Variants in ABCA10 observed in about 807,000 individuals in gnomAD.
ABCA10 encodes ATP binding cassette subfamily A member 10.
In ABCA10, 169 loss-of-function variants were observed where a neutral mutation model predicts 187.5. That is an observed-to-expected ratio of 0.90 (90% confidence interval 0.80 to 1.02). The LOEUF is 1.02. Among genes scored for constraint, ABCA10 ranks in the 50% least tolerant of loss-of-function variants. The probability of loss-of-function intolerance (pLI) is 0.00; values close to 1 mark genes in which losing one functional copy is unlikely to be tolerated. For missense variants in ABCA10, 1,727 were observed against 1,812.4 expected, an observed-to-expected ratio of 0.95 and a Z score of 0.86; for synonymous variants, 574 against 601.8, an observed-to-expected ratio of 0.95 and a Z score of 0.68.
chr17:69,160,414 C>A (rs2144761534), intron 27 of ABCA10, among the ~76,000 whole-genome samples: 1 of 152,250 alleles, frequency 6.6e-6, no homozygotes, highest in South Asian at 2.1e-4. Flanking sequence ...TGAGACCATC[C>A]TGGCCAACAT....
At chr17:69,184,916 T>TACAC (rs142309537) in intron 20 of ABCA10, among the ~76,000 whole-genome samples, 10,521 of 141,464 alleles carry the variant, frequency 0.074, 504 homozygotes, top group Admixed American at 0.13. Context: ...ACTTTTTAAA[T>TACAC]ACACACACAC....
intron 9 of ABCA10, among the ~76,000 whole-genome samples, chr17:69,210,939 C>T (rs536739806): frequency 6.7e-6 from 1 of 150,082 alleles, no homozygotes; most frequent in South Asian, 2.1e-4. Flanking sequence ...TACCACTTTA[C>T]TCCTGCAAAA....
intron 22 of ABCA10, 159 bp from the exon 23 acceptor site, chr17:69,175,672 G>C: frequency 5.6e-6 from 3 of 538,748 alleles, no homozygotes; most frequent in Non-Finnish European, 9.6e-6. Flanking sequence ...CTTAGTGGCA[G>C]GTTCCATTCC....
At chr17:69,168,470 G>A (rs990619962) in intron 25 of ABCA10, among the ~76,000 whole-genome samples, 5 of 152,148 alleles carry the variant, frequency 3.3e-5, no homozygotes, top group East Asian at 1.9e-4. Context: ...ATGAATGAAT[G>A]AATAAATATT....
exon 1 of ABCA10, chr17:69,244,558 T>G (rs988276222): frequency 1.8e-4 from 27 of 151,932 alleles, no homozygotes; most frequent in African/African-American, 6.3e-4. Context: ...TAAAAATTAT[T>G]CATCTGAGAA....
chr17:69,156,006 T>C (rs949131274), intron 28 of ABCA10, 81 bp from the exon 29 acceptor site: 6 of 1,411,610 alleles, frequency 4.3e-6, no homozygotes, highest in Non-Finnish European at 5.7e-6. Context: ...ATAATTAAAT[T>C]ATTATCCTTT....
At chr17:69,236,810 G>GC (rs1457307185) in intron 1 of ABCA10, among the ~76,000 whole-genome samples, 1 of 151,826 alleles carries the variant, frequency 6.6e-6, no homozygotes, top group African/African-American at 2.4e-5. Context: ...TGTGCTACTG[G>GC]CATCTGGTGG....
rs2074105871 is a variant in ABCA10 at position 69,148,633 on chromosome 17, T to C, written c.*194A>G. 1 of 533,810 alleles carries C rather than the reference T, an allele frequency of 1.9e-6. No homozygotes were observed. The highest frequency in any genetic ancestry group is 3.3e-6 in the Non-Finnish European group (1 of 307,006). 33.1% of individuals were successfully genotyped at this position (533,810 alleles called of 1,614,324 possible). A position where few individuals can be genotyped will look rare whatever the true frequency, so the allele number is the denominator to read the frequency against. ...TGAATAACATGTCTGATTTTGTTAA[T>C]TTTGTCTACTACTTTTCCCTATATT... On this transcript the variant is annotated 3_prime_UTR_variant, in exon 39 of 39. Coordinates refer to ENST00000690296, the MANE Select transcript of ABCA10 (RefSeq NM_001377321.1).
Position 69,148,698 on chromosome 17 carries a change from T to G in ABCA10, c.*129A>C. On this transcript the variant is annotated 3_prime_UTR_variant, in exon 39 of 39. Transcript: ENST00000690296. Reference sequence around the variant, plus strand: ...ATCCTAAATTTTTAAAAATGAAAACTGTAATCATTATTGAATGTTTATTAA... The same window carrying G: ...ATCCTAAATTTTTAAAAATGAAAACGGTAATCATTATTGAATGTTTATTAA... 1 of 805,378 alleles carries G rather than the reference T, an allele frequency of 1.2e-6. No individual in the cohort carries two copies. The highest frequency in any genetic ancestry group is 1.9e-6 in the Non-Finnish European group (1 of 526,596). 49.9% of individuals were successfully genotyped at this position (805,378 alleles called of 1,614,324 possible).
At chr17:69,168,049 G>T (rs2074267320) in intron 25 of ABCA10, among the ~76,000 whole-genome samples, 1 of 151,994 alleles carries the variant, frequency 6.6e-6, no homozygotes, top group African/African-American at 2.4e-5. Context: ...TGAAGACCAA[G>T]AATGATAATC....
At chr17:69,188,506 T>C (rs1231355725) in intron 18 of ABCA10, among the ~76,000 whole-genome samples, 2 of 150,840 alleles carry the variant, frequency 1.3e-5, no homozygotes, top group Non-Finnish European at 2.9e-5. Context: ...CTAAATTCTT[T>C]TTTTTCTTTC....
chr17:69,227,975 T>C (rs1398188841), intron 1 of ABCA10, among the ~76,000 whole-genome samples: 1 of 152,002 alleles, frequency 6.6e-6, no homozygotes, highest in Non-Finnish European at 1.5e-5. Context: ...GAGCTGATCA[T>C]TTGGTGTCAC....
rs533330600 is a variant in ABCA10 at position 69,206,689 on chromosome 17, T to C, written c.1007-5021A>G. Among the ~76,000 whole-genome samples the C allele has an allele frequency of 3.9e-5, 6 of 152,352 alleles. No individual in the cohort carries two copies. In the South Asian group the frequency reaches 1.0e-3, roughly 26 times the overall value. ...TCCCAACTTGCAAAGCTTCAACTTA[T>C]GATTTTTCAACTTTTCAATAGATTT... On this transcript the variant is annotated intron_variant, in intron 9 of 38. Coordinates refer to ENST00000690296, the MANE Select transcript of ABCA10 (RefSeq NM_001377321.1).
At chr17:69,168,842 C>A (rs1490559091) in intron 25 of ABCA10, among the ~76,000 whole-genome samples, 2 of 152,192 alleles carry the variant, frequency 1.3e-5, no homozygotes, top group Non-Finnish European at 2.9e-5. Flanking sequence ...TGCCTACTGC[C>A]ATCCATGTAA....
chr17:69,221,180 A>C (rs2074744801), intron 5 of ABCA10, among the ~76,000 whole-genome samples: 1 of 152,212 alleles, frequency 6.6e-6, no homozygotes, highest in Non-Finnish European at 1.5e-5. Flanking sequence ...AATCAGGTGA[A>C]TCTATGTTAT....
chr17:69,211,314 GATATATATATATATATATATATAT>G (rs58580286), intron 9 of ABCA10, among the ~76,000 whole-genome samples: 8 of 30,352 alleles, frequency 2.6e-4, no homozygotes, highest in East Asian at 7.9e-4. Context: ...TCATATATAT[GATATATATATATATATATATATAT>G]ATATATATAT....
At chr17:69,206,924 T>C (rs1170045819) in intron 9 of ABCA10, among the ~76,000 whole-genome samples, 1 of 152,130 alleles carries the variant, frequency 6.6e-6, no homozygotes, top group Non-Finnish European at 1.5e-5. Flanking sequence ...CACATGGGAT[T>C]ACATCAAACT....
Position 69,187,716 on chromosome 17 carries a change from T to C in ABCA10, c.2295A>G (p.Leu765=). The part of the protein sequence containing the change: ...QIYAVATLRF[L]KLRRERRALL... ...GAGCTCTCCTTTCACGCCTTAACTTTAAGAAGCGAAGTGTTGCCACTGCAT... is the reference window on the plus strand; with the variant it reads ...GAGCTCTCCTTTCACGCCTTAACTTCAAGAAGCGAAGTGTTGCCACTGCAT... Residue 765 remains leucine (L), a synonymous_variant, in exon 19 of 39, where the codon TTA becomes TTG. Coordinates refer to ENST00000690296, the MANE Select transcript of ABCA10 (RefSeq NM_001377321.1). 6.2e-7 allele frequency: 1 copy of C among 1,613,856 alleles called. No individual in the cohort carries two copies. The highest frequency in any genetic ancestry group is 8.5e-7 in the Non-Finnish European group (1 of 1,179,736).
intron 27 of ABCA10, among the ~76,000 whole-genome samples, chr17:69,160,321 A>G (rs999988733): frequency 1.3e-5 from 2 of 152,228 alleles, no homozygotes; most frequent in African/African-American, 4.8e-5. Context: ...AAAATGGGCA[A>G]ATAATGGCCG....
Sources: gnomAD v4.1 joint callset for allele counts (sites outside exome capture counted in the v4.1 genomes callset) on GRCh38, gnomAD v4.1.1 for gene constraint, MANE v1.5 for transcripts, NCBI Gene and HGNC (gene_info 2026-07-23, HGNC 2026-07-21) for gene names.